Variants in VASH1 observed in about 807,000 individuals in gnomAD.
VASH1 encodes the protein tubulinyl-Tyr carboxypeptidase 1.
In VASH1, 16 loss-of-function variants were observed where a neutral mutation model predicts 35.0. The observed-to-expected ratio is 0.46, with a 90% CI of 0.31 to 0.70. The LOEUF (loss-of-function observed/expected upper bound fraction) is 0.70. Ranked by LOEUF, VASH1 falls within the 30% of genes least tolerant of loss-of-function variation. VASH1 has a pLI of 0.05. For synonymous variants in VASH1, 214 were observed against 200.9 expected (o/e 1.07, Z -0.55); for missense variants, 505 against 510.7 (o/e 0.99, Z 0.11).
intron 5 of VASH1, among the ~76,000 whole-genome samples, chr14:76,777,497 C>T (rs902683385): frequency 6.6e-5 from 10 of 152,216 alleles, no homozygotes; most frequent in Admixed American, 1.3e-4. Flanking sequence ...GTCAAGCTGA[C>T]GGTGCCATAT....
intron 1 of VASH1, among the ~76,000 whole-genome samples, chr14:76,764,119 G>T (rs558087168): frequency 6.6e-6 from 1 of 152,216 alleles, no homozygotes; most frequent in African/African-American, 2.4e-5. Context: ...GCTTAGCCCT[G>T]CCTGCCCAGG....
At chr14:76,773,635 TAAA>T (rs11334805) in intron 4 of VASH1, 29 of 174,286 alleles carry the variant, frequency 1.7e-4, no homozygotes, top group East Asian at 2.7e-4. Flanking sequence ...AAAACTGCCT[TAAA>T]AAAAAAAAAA....
intron 1 of VASH1, chr14:76,769,198 G>T (rs1442513383): frequency 8.7e-7 from 1 of 1,148,126 alleles, no homozygotes; most frequent in African/African-American, 1.6e-5. Flanking sequence ...AACACTGCCT[G>T]TTCTCTCCTC....
chr14:76,772,186 G>A (rs961035152), intron 3 of VASH1, among the ~76,000 whole-genome samples: 7 of 152,120 alleles, frequency 4.6e-5, no homozygotes, highest in African/African-American at 1.7e-4. Context: ...GTTACAGTGA[G>A]CCGAGATCAC....
intron 4 of VASH1, among the ~76,000 whole-genome samples, chr14:76,775,202 G>A (rs905995245): frequency 3.9e-5 from 6 of 152,208 alleles, no homozygotes; most frequent in African/African-American, 1.4e-4. Flanking sequence ...CACTGGTCAT[G>A]GTGAGAGTGC....
At chr14:76,764,499 C>T (rs1893589580) in intron 1 of VASH1, among the ~76,000 whole-genome samples, 1 of 152,090 alleles carries the variant, frequency 6.6e-6, no homozygotes. Context: ...GAAAGTATTG[C>T]GTCAAAGGAT....
At position 76,779,039 on chromosome 14, in the gene VASH1, G is replaced by GC. The variant is rs1356507683; in HGVS notation, c.*25dup. 6.2e-7 allele frequency: 1 copy of GC among 1,613,298 alleles called. No individual in the cohort carries two copies. Among genetic ancestry groups the GC allele is most frequent in the East Asian group, 2.2e-5 (1 of 44,874 alleles). On this transcript the variant is annotated 3_prime_UTR_variant, in exon 7 of 7. Coordinates refer to ENST00000167106, the MANE Select transcript of VASH1 (RefSeq NM_014909.5). ...TCTGAGGCGGATGCCAGCACCCCAG[G>GC]CCCCACCCACTCTTGGGGGCCAGGA...
intron 1 of VASH1, among the ~76,000 whole-genome samples, 180 bp downstream of exon 1, chr14:76,763,310 A>G (rs1343971993): frequency 6.6e-6 from 1 of 152,136 alleles, no homozygotes; most frequent in African/African-American, 2.4e-5. Flanking sequence ...TCTAGGAGGG[A>G]GGCTCACATA....
chr14:76,777,679 G>A (rs1893981742), intron 5 of VASH1, among the ~76,000 whole-genome samples: 1 of 152,160 alleles, frequency 6.6e-6, no homozygotes, highest in South Asian at 2.1e-4. Flanking sequence ...GGCCTTTGTT[G>A]GGGACTTTTT....
rs774217074 is a variant in VASH1, at chr14:76,762,923, C to A, written c.102C>A (p.Ser34Arg). 6.4e-7 allele frequency: 1 copy of A among 1,574,100 alleles called. No individual in the cohort carries two copies. The highest frequency in any genetic ancestry group is 8.6e-7 in the Non-Finnish European group (1 of 1,160,934). Reference sequence around the variant, plus strand: ...CTGGGGTCAGGCGTTTGGAGACCAGCGAAGGAACCTCAGCCCAGAGAGATG... The same window carrying A: ...CTGGGGTCAGGCGTTTGGAGACCAGAGAAGGAACCTCAGCCCAGAGAGATG... ...APSGVRRLETSEGTSAQRDEE... is the reference protein window; with the variant it reads ...APSGVRRLETREGTSAQRDEE... Residue 34 changes from serine (S) to arginine (R), a missense_variant, in exon 1 of 7, where the codon AGC (serine) becomes AGA (arginine). Physicochemically the swap from Ser to Arg is moderately radical, Grantham distance 110. Transcript: ENST00000167106.
Position 76,762,998 on chromosome 14 carries a change from C to T in VASH1, c.177C>T (p.Pro59=). 2 of 1,549,366 alleles carry T rather than the reference C, an allele frequency of 1.3e-6. No homozygotes were observed. Among genetic ancestry groups the T allele is most frequent in the Non-Finnish European group, 1.7e-6 (2 of 1,146,180 alleles). Residue 59 remains proline, a synonymous_variant, in exon 1 of 7, where the codon CCC becomes CCT. Coordinates refer to ENST00000167106, the MANE Select transcript of VASH1 (RefSeq NM_014909.5). Reference sequence around the variant, plus strand: ...AGGACCTGCGAGACGGAGGCGTCCCCTTCTTTGTCAACCGGGGTGGGCTAC... The same window carrying T: ...AGGACCTGCGAGACGGAGGCGTCCCTTTCTTTGTCAACCGGGGTGGGCTAC... ...GEEDLRDGGV[P]FFVNRGGLPV...
At position 76,771,228 on chromosome 14, in the gene VASH1, A is replaced by T; in HGVS notation, c.437A>T (p.Lys146Met). 1 of 1,604,538 alleles carries T rather than the reference A, an allele frequency of 6.2e-7. No homozygotes were observed. Among genetic ancestry groups the T allele is most frequent in the Non-Finnish European group, 8.5e-7 (1 of 1,175,478 alleles). The change falls in exon 3 of 7, where the codon AAG becomes ATG. Residue 146 changes from lysine (K) to methionine (M), a missense_variant. Transcript: ENST00000167106. Reference protein sequence around the residue: ...HTGTQFFEIKKSRPLTGLMDL... With the variant: ...HTGTQFFEIKMSRPLTGLMDL... ...GGGACACAGTTCTTTGAAATTAAGAAGAGCAGACCTCTGACAGGGTAAGTA... is the reference window on the plus strand; with the variant it reads ...GGGACACAGTTCTTTGAAATTAAGATGAGCAGACCTCTGACAGGGTAAGTA...
chr14:76,762,611 G>T lies in VASH1; in HGVS notation c.-211G>T. ...CAAACAGAACAAGGCCTCCAAGGCTGACCCCAGACAACCCACCCCCTCGGA... is the reference window on the plus strand; with the variant it reads ...CAAACAGAACAAGGCCTCCAAGGCTTACCCCAGACAACCCACCCCCTCGGA... On this transcript the variant is annotated 5_prime_UTR_variant, in exon 1 of 7. An upstream open reading frame in the 5' UTR loses its in-frame stop. Coordinates refer to ENST00000167106, the MANE Select transcript of VASH1 (RefSeq NM_014909.5). 2.4e-6 allele frequency: 1 copy of T among 423,728 alleles called. No individual in the cohort carries two copies. Among genetic ancestry groups the T allele is most frequent in the Non-Finnish European group, 4.2e-6 (1 of 236,498 alleles). The allele number at this position is 423,728 out of a possible 1,614,324, so 26.2% of individuals were successfully genotyped here.
chr14:76,776,971 C>T (rs545843434), intron 5 of VASH1, among the ~76,000 whole-genome samples: 1 of 152,302 alleles, frequency 6.6e-6, no homozygotes, highest in South Asian at 2.1e-4. Context: ...CTCTTGACAG[C>T]CCTGGGAGGC....
Position 76,770,650 on chromosome 14 carries a change from G to A in VASH1, c.399-540G>A, listed in dbSNP as rs142399616. ...CACCCTGCCCCTGCACCCTGCCCCA[G>A]AGCTGTGTGTCCTGGGTCCTCTCTC... On this transcript the variant is annotated intron_variant, in intron 2 of 6. Coordinates refer to ENST00000167106, the MANE Select transcript of VASH1 (RefSeq NM_014909.5). Among the ~76,000 whole-genome samples the A allele has an allele frequency of 5.3e-3, 807 of 152,138 alleles. 8 individuals carry two copies. Among genetic ancestry groups the A allele is most frequent in the African/African-American group, 0.018 (767 of 41,526 alleles).
intron 6 of VASH1, 69 bp downstream of exon 6, chr14:76,778,140 CCT>C (rs2140190133): frequency 3.3e-6 from 4 of 1,196,588 alleles, no homozygotes; most frequent in South Asian, 4.0e-5. Flanking sequence ...CGTGTGGGTC[CCT>C]TTTTTTTTTT....
Position 76,775,920 on chromosome 14 carries a change from G to A in VASH1, c.559G>A (p.Glu187Lys), listed in dbSNP as rs1893923743. Reference protein sequence around the residue: ...IYLTNSMPTLERFPISFKTYF... With the variant: ...IYLTNSMPTLKRFPISFKTYF... ...CCTCACCAACAGCATGCCCACCCTG[G>A]AGCGCTTCCCCATCAGCTTCAAGAC... The change falls in exon 5 of 7, where the codon GAG (glutamate) becomes AAG (lysine). Residue 187 changes from glutamate (E) to lysine (K), a missense_variant. Physicochemically the swap from Glu to Lys is moderately conservative, Grantham distance 56 (BLOSUM62 1). Coordinates refer to ENST00000167106, the MANE Select transcript of VASH1 (RefSeq NM_014909.5). 4 of 1,598,072 alleles carry A rather than the reference G, an allele frequency of 2.5e-6. No homozygotes were observed. The highest frequency in any genetic ancestry group is 1.1e-5 in the South Asian group (1 of 88,368).
intron 5 of VASH1, 118 bp from the exon 6 acceptor site, chr14:76,777,841 C>A: frequency 1.6e-6 from 1 of 639,748 alleles, no homozygotes; most frequent in Non-Finnish European, 2.4e-6. Context: ...AAGAGCCATG[C>A]TTGAGGTTCC....
chr14:76,765,347 G>T (rs1893614968), intron 1 of VASH1, among the ~76,000 whole-genome samples: 5 of 152,184 alleles, frequency 3.3e-5, no homozygotes, highest in Admixed American at 2.6e-4. Context: ...AGGGTAGAAG[G>T]AATTTTGTGA....
Sources: gnomAD v4.1 joint callset for allele counts (sites outside exome capture counted in the v4.1 genomes callset) on GRCh38, gnomAD v4.1.1 for gene constraint, MANE v1.5 for transcripts, NCBI Gene and HGNC (gene_info 2026-07-23, HGNC 2026-07-21) for gene names.